KCNQ3: variants seen among roughly 807,000 people sequenced by gnomAD.
KCNQ3 encodes potassium voltage-gated channel subfamily KQT member 3.
KCNQ3 carries 30 observed loss-of-function variants against 92.5 expected under a neutral mutation model. That is an observed-to-expected ratio of 0.32 (90% confidence interval 0.24 to 0.44). KCNQ3 has a LOEUF of 0.44. Ranked by LOEUF, KCNQ3 falls within the 20% of genes least tolerant of loss-of-function variation. The pLI, the probability that KCNQ3 is intolerant of heterozygous loss-of-function variation, is 1.00. For missense variants in KCNQ3, 913 were observed against 1,140.3 expected (o/e 0.80, Z 2.87); for synonymous variants, 450 against 468.8 (o/e 0.96, Z 0.52).
chr8:132,366,026 A>G (rs561364495), intron 1 of KCNQ3, among the ~76,000 whole-genome samples: 2 of 152,280 alleles, frequency 1.3e-5, no homozygotes, highest in South Asian at 4.1e-4. Context: ...GCCAGACCCT[A>G]TAAAGTACCA....
intron 9 of KCNQ3, among the ~76,000 whole-genome samples, chr8:132,160,449 C>T (rs752687734): frequency 2.6e-5 from 4 of 152,172 alleles, no homozygotes; most frequent in Non-Finnish European, 5.9e-5. Context: ...TTTTTATAGT[C>T]ACTCAGCAAA....
chr8:132,345,922 C>T (rs894834022), intron 1 of KCNQ3, among the ~76,000 whole-genome samples: 7 of 149,468 alleles, frequency 4.7e-5, no homozygotes, highest in Admixed American at 6.6e-5. Context: ...ATGGTAATAA[C>T]GTGATGATGA....
chr8:132,291,483 T>C (rs577632204), intron 1 of KCNQ3, among the ~76,000 whole-genome samples: 72 of 152,246 alleles, frequency 4.7e-4, no homozygotes, highest in Non-Finnish European at 7.9e-4. Context: ...AATTAATTAA[T>C]TGTATATCTA....
chr8:132,267,813 A>G (rs886463200), intron 1 of KCNQ3, among the ~76,000 whole-genome samples: 2 of 152,350 alleles, frequency 1.3e-5, no homozygotes, highest in Admixed American at 6.5e-5. Flanking sequence ...AGCAAAAATA[A>G]CCAGAAAATA....
chr8:132,185,778 T>C (rs1455340465), intron 2 of KCNQ3, among the ~76,000 whole-genome samples: 1 of 152,262 alleles, frequency 6.6e-6, no homozygotes, highest in Non-Finnish European at 1.5e-5. Flanking sequence ...AACATGCCTT[T>C]GTGTTACCTT....
At chr8:132,418,321 G>C (rs982385699) in intron 1 of KCNQ3, among the ~76,000 whole-genome samples, 4 of 152,190 alleles carry the variant, frequency 2.6e-5, no homozygotes, top group Admixed American at 1.3e-4. Context: ...CCGTGGCTCT[G>C]TGTGGGTTTA....
At position 132,129,915 on chromosome 8, in the gene KCNQ3, C is replaced by T. The variant is rs781473829; in HGVS notation, c.1966G>A (p.Glu656Lys). ...HMERLQVQVT[E>K]YYPTKGTSSP... Reference sequence around the variant, plus strand: ...GAGGTGCCCTTGGTTGGGTAATACTCCGTGACCTGCACCTGCAACCGTTCC... The same window carrying T: ...GAGGTGCCCTTGGTTGGGTAATACTTCGTGACCTGCACCTGCAACCGTTCC... Residue 656 changes from glutamate to lysine, a missense_variant, in exon 15 of 15, where the codon GAG becomes AAG. Coordinates refer to ENST00000388996, the MANE Select transcript of KCNQ3 (RefSeq NM_004519.4). The surrounding 1 kb of genome is among the most constrained non-coding windows in gnomAD (Gnocchi z 5.9). 6.2e-7 allele frequency: 1 copy of T among 1,614,122 alleles called. No individual in the cohort carries two copies. The highest frequency in any genetic ancestry group is 8.5e-7 in the Non-Finnish European group (1 of 1,180,032).
At chr8:132,135,649 T>A (rs1372269875) in intron 12 of KCNQ3, among the ~76,000 whole-genome samples, 2 of 152,126 alleles carry the variant, frequency 1.3e-5, no homozygotes, top group Admixed American at 6.5e-5. Context: ...TTGGCTGGTA[T>A]TTTTGGAGTC....
At chr8:132,176,038 C>CA (rs917002898) in intron 4 of KCNQ3, among the ~76,000 whole-genome samples, 17 of 152,186 alleles carry the variant, frequency 1.1e-4, no homozygotes, top group Admixed American at 3.3e-4. Context: ...CCAGCCCTGA[C>CA]ACCAGTTTAT....
At chr8:132,300,681 G>A (rs1817185433) in intron 1 of KCNQ3, among the ~76,000 whole-genome samples, 2 of 152,128 alleles carry the variant, frequency 1.3e-5, no homozygotes, top group Admixed American at 1.3e-4. Flanking sequence ...TTAGCCCCAC[G>A]CAACATGCAC....
intron 4 of KCNQ3, among the ~76,000 whole-genome samples, chr8:132,178,416 T>C (rs1222746683): frequency 2.6e-5 from 4 of 152,232 alleles, no homozygotes; most frequent in African/African-American, 7.2e-5. Context: ...TTTATGTCTA[T>C]GCTTATGTGT....
chr8:132,425,185 T>C (rs1040079635), intron 1 of KCNQ3, among the ~76,000 whole-genome samples: 6 of 152,200 alleles, frequency 3.9e-5, no homozygotes, highest in South Asian at 2.1e-4. Context: ...CCAATACATA[T>C]AGTCTCAGGA....
At chr8:132,175,629 C>T in intron 4 of KCNQ3, 21 bp from the exon 5 acceptor site, 1 of 1,612,648 alleles carries the variant, frequency 6.2e-7, no homozygotes, top group Non-Finnish European at 8.5e-7. Flanking sequence ...GAACAGTGGA[C>T]ATGAAAAGTG....
At chr8:132,195,713 C>A (rs1236599064) in intron 1 of KCNQ3, among the ~76,000 whole-genome samples, 1 of 152,188 alleles carries the variant, frequency 6.6e-6, no homozygotes. Flanking sequence ...CAAATCAGAT[C>A]ATGTCATGAA....
At chr8:132,172,430 ACAC>A (rs1826402466) in intron 7 of KCNQ3, among the ~76,000 whole-genome samples, 165 bp downstream of exon 7, 1 of 151,690 alleles carries the variant, frequency 6.6e-6, no homozygotes, top group Non-Finnish European at 1.5e-5. Flanking sequence ...ACACACACAC[ACAC>A]ACAGACACAC....
At chr8:132,468,174 G>T (rs1822223535) in intron 1 of KCNQ3, among the ~76,000 whole-genome samples, 1 of 152,218 alleles carries the variant, frequency 6.6e-6, no homozygotes, top group Admixed American at 6.5e-5. Flanking sequence ...CATTACCAGG[G>T]CTTCGGAGAA....
In KCNQ3 at chr8:132,234,122, G is replaced by A. The variant is rs566452714; in HGVS notation, c.387-47941C>T. ...TTATGTCTGTAGTTTTTTTGCAATCGAGCCTACATAGCTCAACAGTGCACA... is the reference window on the plus strand; with the variant it reads ...TTATGTCTGTAGTTTTTTTGCAATCAAGCCTACATAGCTCAACAGTGCACA... On this transcript the variant is annotated intron_variant, in intron 1 of 14. Transcript: ENST00000388996. Among the ~76,000 whole-genome samples, 6 of 152,166 alleles carry A rather than the reference G, an allele frequency of 3.9e-5. No homozygotes were observed. The South Asian group carries it at 6.2e-4, about 16-fold the overall frequency.
chr8:132,184,245 C>T lies in KCNQ3; in HGVS notation c.600G>A (p.Met200Ile). Residue 200 changes from methionine to isoleucine, a missense_variant, in exon 3 of 15, where the codon ATG (methionine) becomes ATA (isoleucine). By Grantham distance (10) the Met-to-Ile change is conservative. This residue lies in a region of KCNQ3 where 100 missense variants were observed against 217.6 expected (regional missense o/e 0.46). Coordinates refer to ENST00000388996, the MANE Select transcript of KCNQ3 (RefSeq NM_004519.4). ...RLKFARKPLC[M>I]LDIFVLIASV... is the part of the protein sequence containing the mutation. Reference sequence around the variant, plus strand: ...AGGCTCAGGGTCAGGACTTACCCAACATGCACAGGGGCTTCCTGGCAAACT... The same window carrying T: ...AGGCTCAGGGTCAGGACTTACCCAATATGCACAGGGGCTTCCTGGCAAACT... The T allele has an allele frequency of 6.2e-7, 1 of 1,614,212 alleles. No individual in the cohort carries two copies. The highest frequency in any genetic ancestry group is 1.3e-5 in the African/African-American group (1 of 75,052).
chr8:132,416,802 G>A (rs12548732), intron 1 of KCNQ3, among the ~76,000 whole-genome samples: 30,109 of 152,056 alleles, frequency 0.2, 3,717 homozygotes, highest in Non-Finnish European at 0.27. Context: ...AGGTGAGCTC[G>A]GAAGGCTGCA....
Sources: gnomAD v4.1 joint callset for allele counts (sites outside exome capture counted in the v4.1 genomes callset) on GRCh38, gnomAD v4.1.1 for gene constraint, gnomAD v4.1.1 regional missense constraint, Gnocchi (gnomAD v3.1) non-coding constraint, MANE v1.5 for transcripts, NCBI Gene and HGNC (gene_info 2026-07-23, HGNC 2026-07-21) for gene names.